Variants in ATP2B3 observed in about 807,000 individuals in gnomAD.
The protein encoded by ATP2B3 is plasma membrane calcium-transporting ATPase 3.
ATP2B3 carries 12 observed loss-of-function variants against 70.8 expected under a neutral mutation model. The observed-to-expected ratio is 0.17, with a 90% confidence interval of 0.11 to 0.27. ATP2B3 has a LOEUF of 0.27. ATP2B3 is among the 10% of genes least tolerant of loss of function. The pLI, the probability that ATP2B3 is intolerant of heterozygous loss-of-function variation, is 1.00. For missense variants in ATP2B3, 858 were observed against 1,118.5 expected (o/e 0.77, Z 3.32); for synonymous variants, 460 against 497.8 (o/e 0.92, Z 1.01).
At position 153,582,869 on chromosome X, in the gene ATP2B3, A is replaced by T. The variant is rs1280839760; in HGVS notation, c.*2571A>T. ...TTAAAGTCTGTAGTTGAATTTCCTA[A>T]CTTAAAGAATAGACCAAAATTTCTG... On this transcript the variant is annotated 3_prime_UTR_variant, in exon 22 of 22. Transcript: ENST00000263519. The T allele has an allele frequency of 8.9e-6, 1 of 112,400 alleles. No homozygotes were observed. Among genetic ancestry groups the T allele is most frequent in the East Asian group, 2.8e-4 (1 of 3,615 alleles). The allele number at this position is 112,400 out of a possible 1,213,427, so 9.3% of individuals were successfully genotyped here.
intron 12 of ATP2B3, among the ~76,000 whole-genome samples, chrX:153,552,029 C>G (rs1203970593): frequency 8.9e-6 from 1 of 112,819 alleles, no homozygotes; most frequent in Non-Finnish European, 1.9e-5. Flanking sequence ...ACCCACAGCG[C>G]TCTCCCAGAA....
intron 2 of ATP2B3, among the ~76,000 whole-genome samples, chrX:153,520,941 T>C (rs782644682): frequency 1.8e-5 from 2 of 111,970 alleles, no homozygotes; most frequent in Non-Finnish European, 3.8e-5. Flanking sequence ...CTGAGAGAAA[T>C]GGACAACAGG....
rs1569535335 is a variant in ATP2B3, at chrX:153,560,839, C to G, written c.3003C>G (p.Phe1001Leu). 3 of 1,212,223 alleles carry G rather than the reference C, an allele frequency of 2.5e-6. No homozygotes were observed. The Middle Eastern group carries it at 6.9e-4, about 278-fold the overall frequency. ...AGAGGAACGTGTTCGACGGCATCTT[C>G]AGCAACCCCATCTTCTGCACCATCG... is the stretch of plus-strand genomic sequence containing the variant. ...HGERNVFDGI[F>L]SNPIFCTIVL... The change falls in exon 19 of 22, where the codon TTC becomes TTG. Residue 1001 changes from phenylalanine (F) to leucine (L), a missense_variant. Phe to Leu is a conservative substitution (Grantham distance 22). Around this residue, in one of 5 missense-constraint regions of ATP2B3, gnomAD observed 265 missense variants for 305.3 expected, o/e 0.87. Transcript: ENST00000263519.
At position 153,552,706 on chromosome X, in the gene ATP2B3, T is replaced by C. The variant is rs2124462484; in HGVS notation, c.1824-329T>C. ...GTGCCCTCAAGCAACAGAAATGGAT[T>C]CTCCCCCAGTTCTGGAGGCCGGAAG... On this transcript the variant is annotated intron_variant, in intron 12 of 21. Transcript: ENST00000263519. Among the ~76,000 whole-genome samples the C allele has an allele frequency of 1.8e-5, 2 of 112,042 alleles. 1 individual carries two copies. The highest frequency in any genetic ancestry group is 7.4e-4 in the South Asian group (2 of 2,706).
At chrX:153,526,418 C>T (rs1163144787) in intron 2 of ATP2B3, among the ~76,000 whole-genome samples, 2 of 111,588 alleles carry the variant, frequency 1.8e-5, no homozygotes, top group African/African-American at 3.3e-5. Context: ...TCTGCCTCTG[C>T]ACTCCCTTCA....
intron 2 of ATP2B3, among the ~76,000 whole-genome samples, chrX:153,527,929 C>T (rs1023518323): frequency 4.4e-5 from 5 of 112,570 alleles, no homozygotes; most frequent in Non-Finnish European, 9.4e-5. Context: ...AAGGAACCTC[C>T]GGGAAAATGG....
chrX:153,520,986 G>A (rs893108478), intron 2 of ATP2B3, among the ~76,000 whole-genome samples: 7 of 112,870 alleles, frequency 6.2e-5, no homozygotes, highest in African/African-American at 1.3e-4. Context: ...CTCAGGGACC[G>A]GTTTAGCTCT....
At chrX:153,536,533 C>A in intron 3 of ATP2B3, 78 bp downstream of exon 3, 1 of 1,072,580 alleles carries the variant, frequency 9.3e-7, no homozygotes, top group East Asian at 3.3e-5. Flanking sequence ...ATCCTTAGCC[C>A]CAAGGCTGGC....
intron 19 of ATP2B3, 108 bp downstream of exon 19, chrX:153,560,995 C>T: frequency 2.2e-6 from 2 of 914,758 alleles, no homozygotes; most frequent in Admixed American, 5.4e-5. Flanking sequence ...ACCTCCACTC[C>T]CAGAAGGAGC....
intron 21 of ATP2B3, among the ~76,000 whole-genome samples, chrX:153,575,866 G>A: frequency 9.0e-6 from 1 of 110,889 alleles, no homozygotes; most frequent in Non-Finnish European, 1.9e-5. Context: ...GTAAAGGACT[G>A]TGGCCTCTCA....
intron 2 of ATP2B3, among the ~76,000 whole-genome samples, chrX:153,522,247 G>A (rs900640871): frequency 4.4e-5 from 5 of 112,889 alleles, no homozygotes; most frequent in Non-Finnish European, 9.4e-5. Context: ...GGTTCACTGT[G>A]TGCCAGGCTC....
chrX:153,560,344 G>A (rs2090605975), intron 18 of ATP2B3, among the ~76,000 whole-genome samples: 1 of 110,546 alleles, frequency 9.0e-6, no homozygotes, highest in Non-Finnish European at 1.9e-5. Context: ...GGGGTGCCGT[G>A]CTGGAAGCTG....
rs782286392 is a variant in ATP2B3, at chrX:153,554,689, G to A, written c.2059-1360G>A. Among the ~76,000 whole-genome samples, 9 of 113,016 alleles carry A rather than the reference G, an allele frequency of 8.0e-5. No homozygotes were observed. In the South Asian group the frequency reaches 2.9e-3, roughly 36 times the overall value. Reference sequence around the variant, plus strand: ...CACGGCTGCAGCCAGAGGAGGGCCCGTGAGGCTGGGCCCTGGGGAGCCATA... The same window carrying A: ...CACGGCTGCAGCCAGAGGAGGGCCCATGAGGCTGGGCCCTGGGGAGCCATA... On this transcript the variant is annotated intron_variant, in intron 13 of 21. Coordinates refer to ENST00000263519, the MANE Select transcript of ATP2B3 (RefSeq NM_001001344.3).
chrX:153,553,911 G>A (rs1397699335), intron 13 of ATP2B3, among the ~76,000 whole-genome samples: 1 of 113,306 alleles, frequency 8.8e-6, no homozygotes, highest in African/African-American at 3.2e-5. Flanking sequence ...GTCTCCCCAG[G>A]GCCTCTGCAT....
At chrX:153,542,638 C>T (rs2090304175) in intron 6 of ATP2B3, among the ~76,000 whole-genome samples, 190 bp downstream of exon 6, 1 of 112,989 alleles carries the variant, frequency 8.9e-6, no homozygotes, top group African/African-American at 3.2e-5. Flanking sequence ...AGCCACAGGG[C>T]GAGGAAGCTG....
chrX:153,580,382 G>A lies in ATP2B3; in HGVS notation c.*84G>A. On this transcript the variant is annotated 3_prime_UTR_variant, in exon 22 of 22. Coordinates refer to ENST00000263519, the MANE Select transcript of ATP2B3 (RefSeq NM_001001344.3). ...CACACATGCACGCACACACACATATGGGGACCTGCACACCTGCAAAACGAG... is the reference window on the plus strand; with the variant it reads ...CACACATGCACGCACACACACATATAGGGACCTGCACACCTGCAAAACGAG... 1.0e-6 allele frequency: 1 copy of A among 955,464 alleles called. No homozygotes were observed. The highest frequency in any genetic ancestry group is 1.4e-6 in the Non-Finnish European group (1 of 697,541). 78.7% of individuals were successfully genotyped at this position (955,464 alleles called of 1,213,427 possible). A position where few individuals can be genotyped will look rare whatever the true frequency, so the allele number is the denominator to read the frequency against.
intron 21 of ATP2B3, among the ~76,000 whole-genome samples, chrX:153,579,609 G>A (rs1212444571): frequency 8.9e-6 from 1 of 112,240 alleles, no homozygotes; most frequent in African/African-American, 3.2e-5. Context: ...AGGGAACTGC[G>A]GGGTCACAGC....
At chrX:153,558,787 G>A (rs1056260391) in intron 17 of ATP2B3, among the ~76,000 whole-genome samples, 2 of 112,016 alleles carry the variant, frequency 1.8e-5, no homozygotes, top group African/African-American at 3.2e-5. Flanking sequence ...AACACTCCAC[G>A]GCACAGACTG....
intron 5 of ATP2B3, 93 bp downstream of exon 5, chrX:153,542,019 C>T (rs1168310376): frequency 1.9e-6 from 2 of 1,063,661 alleles, no homozygotes; most frequent in East Asian, 3.4e-5. Flanking sequence ...CACAGGTTCT[C>T]CCCGGTGGCC....
Sources: allele counts gnomAD v4.1 joint callset (sites outside exome capture counted in the v4.1 genomes callset), GRCh38; gene constraint gnomAD v4.1.1; regional missense constraint gnomAD v4.1.1; transcripts MANE v1.5; gene names NCBI Gene and HGNC (gene_info 2026-07-23, HGNC 2026-07-21).